The following ZC3H12B variants were observed in gnomAD, a reference collection of about 807,000 sequenced individuals.
ZC3H12B encodes probable ribonuclease ZC3H12B.
In ZC3H12B, 7 loss-of-function variants were observed where a neutral mutation model predicts 43.9. That is an observed-to-expected ratio of 0.16 (90% confidence interval 0.09 to 0.30). The LOEUF is 0.30. Ranked by LOEUF, ZC3H12B falls within the 10% of genes least tolerant of loss-of-function variation. The pLI, the probability that ZC3H12B is intolerant of heterozygous loss-of-function variation, is 1.00. For synonymous variants in ZC3H12B, 222 were observed against 241.7 expected, an observed-to-expected ratio of 0.92 and a Z score of 0.76; for missense variants, 475 against 670.2, an observed-to-expected ratio of 0.71 and a Z score of 3.22.
chrX:65,287,655 A>G, the ZC3H12B span, among the ~76,000 whole-genome samples: 1 of 111,182 alleles, frequency 9.0e-6, no homozygotes, highest in Admixed American at 9.6e-5. Context: ...TGTGAGATAC[A>G]TCGAAAGCAG....
the ZC3H12B span, among the ~76,000 whole-genome samples, chrX:65,092,584 A>G: frequency 3.6e-5 from 4 of 112,144 alleles, no homozygotes; most frequent in African/African-American, 9.7e-5. Flanking sequence ...GGAAGGCTGC[A>G]TCATGCACAG....
At chrX:65,155,811 A>G in the ZC3H12B span, among the ~76,000 whole-genome samples, 1 of 110,880 alleles carries the variant, frequency 9.0e-6, no homozygotes, top group African/African-American at 3.3e-5. Flanking sequence ...AGAGAGCATG[A>G]TCACATCACT....
intron 3 of ZC3H12B, among the ~76,000 whole-genome samples, chrX:65,435,254 TC>T (rs1298279709): frequency 8.9e-6 from 1 of 111,999 alleles, no homozygotes; most frequent in Admixed American, 9.5e-5. Flanking sequence ...GGAATTTAAA[TC>T]CCTGAGCTAA....
chrX:65,421,017 A>T (rs933307874), intron 3 of ZC3H12B, among the ~76,000 whole-genome samples: 1 of 112,334 alleles, frequency 8.9e-6, no homozygotes, highest in African/African-American at 3.2e-5. Context: ...TCTTAGGGGT[A>T]TATCAACTTG....
chrX:65,387,529 T>A (rs1292697687), intron 2 of ZC3H12B, among the ~76,000 whole-genome samples: 1 of 112,126 alleles, frequency 8.9e-6, no homozygotes, highest in Non-Finnish European at 1.9e-5. Flanking sequence ...TGAGCCTATG[T>A]GTGTCTGTGC....
At chrX:65,242,357 G>T in the ZC3H12B span, among the ~76,000 whole-genome samples, 2 of 111,555 alleles carry the variant, frequency 1.8e-5, no homozygotes, top group Non-Finnish European at 3.8e-5. Context: ...ATAGTGAACA[G>T]TCAGAAAAAC....
chrX:65,365,995 G>T (rs757724121), upstream of ZC3H12B, among the ~76,000 whole-genome samples: 8 of 110,573 alleles, frequency 7.2e-5, no homozygotes, highest in Non-Finnish European at 1.1e-4. Context: ...ACTGAATGAA[G>T]CTAATTTCAC....
At chrX:65,410,107 G>GAAAAAAAAAAA (rs35885886) in intron 3 of ZC3H12B, among the ~76,000 whole-genome samples, 1 of 45,528 alleles carries the variant, frequency 2.2e-5, no homozygotes, top group Non-Finnish European at 6.1e-5. Flanking sequence ...TATTAAATCA[G>GAAAAAAAAAAA]AAAAAAAAAA....
At chrX:65,218,706 G>T in the ZC3H12B span, among the ~76,000 whole-genome samples, 6 of 111,086 alleles carry the variant, frequency 5.4e-5, no homozygotes, top group Admixed American at 2.9e-4. Context: ...ACCTAACCCT[G>T]CTCCCACCTG....
At chrX:65,231,867 G>T in the ZC3H12B span, among the ~76,000 whole-genome samples, 18 of 111,487 alleles carry the variant, frequency 1.6e-4, no homozygotes, top group African/African-American at 5.9e-4. Context: ...AATTTGTACA[G>T]TTAACGCAAT....
the ZC3H12B span, among the ~76,000 whole-genome samples, chrX:65,354,423 A>C: frequency 8.9e-6 from 1 of 111,857 alleles, no homozygotes; most frequent in Non-Finnish European, 1.9e-5. Flanking sequence ...AACATCAACA[A>C]AAAGGACGTC....
At chrX:65,124,747 C>T in the ZC3H12B span, among the ~76,000 whole-genome samples, 4 of 110,553 alleles carry the variant, frequency 3.6e-5, no homozygotes, top group Admixed American at 9.7e-5. Flanking sequence ...TATCCATATC[C>T]TCTGGATTTT....
At chrX:65,220,940 T>C in the ZC3H12B span, among the ~76,000 whole-genome samples, 11 of 111,635 alleles carry the variant, frequency 9.9e-5, no homozygotes, top group African/African-American at 3.3e-4. Context: ...AGACAGACCA[T>C]ATGATAGGCC....
chrX:65,357,134 G>T, the ZC3H12B span: 17 of 485,728 alleles, frequency 3.5e-5, no homozygotes, highest in South Asian at 4.4e-4. Context: ...GACTTCACAT[G>T]GGGGCTCTGT....
the ZC3H12B span, among the ~76,000 whole-genome samples, chrX:65,247,142 C>G: frequency 8.9e-6 from 1 of 112,272 alleles, no homozygotes; most frequent in African/African-American, 3.2e-5. Flanking sequence ...AGAAAAAGCT[C>G]AACATCACTG....
At chrX:65,091,050 C>A in the ZC3H12B span, among the ~76,000 whole-genome samples, 1 of 111,243 alleles carries the variant, frequency 9.0e-6, no homozygotes, top group East Asian at 2.8e-4. Context: ...TCTTGTACAA[C>A]CTGCACAACT....
At chrX:65,203,205 T>A in the ZC3H12B span, among the ~76,000 whole-genome samples, 4 of 112,191 alleles carry the variant, frequency 3.6e-5, no homozygotes, top group Non-Finnish European at 7.5e-5. Flanking sequence ...AACTGAGGAC[T>A]CCAGGAGCTG....
chrX:65,226,374 A>T, the ZC3H12B span, among the ~76,000 whole-genome samples: 1 of 111,398 alleles, frequency 9.0e-6, no homozygotes, highest in Non-Finnish European at 1.9e-5. Flanking sequence ...GAAGGAAGCA[A>T]TAAACATGGA....
the ZC3H12B span, among the ~76,000 whole-genome samples, chrX:65,094,118 T>C: frequency 9.1e-6 from 1 of 110,305 alleles, no homozygotes; most frequent in South Asian, 4.0e-4. Context: ...TTACTCTTTC[T>C]CCTGCTCCAG....
Sources: allele counts gnomAD v4.1 joint callset (sites outside exome capture counted in the v4.1 genomes callset), GRCh38; gene constraint gnomAD v4.1.1; transcripts MANE v1.5; gene names NCBI Gene and HGNC (gene_info 2026-07-23, HGNC 2026-07-21).